MRGBP: variants seen among roughly 807,000 people sequenced by gnomAD.
MRGBP encodes MRG domain binding protein.
In MRGBP, 5 loss-of-function variants were observed where a neutral mutation model predicts 21.5. That is an observed-to-expected ratio of 0.23 (90% CI 0.12 to 0.49). The LOEUF is 0.49. MRGBP is among the 20% of genes least tolerant of loss of function. The pLI is 0.98. For missense variants in MRGBP, 227 were observed against 277.4 expected (o/e 0.82, Z 1.29); for synonymous variants, 118 against 104.4 (o/e 1.13, Z -0.79).
At position 62,796,493 on chromosome 20, in the gene MRGBP, C is replaced by CG. The variant is rs1361094899; in HGVS notation, c.-26dup. 2.7e-6 allele frequency: 3 copies of CG among 1,118,718 alleles called. No homozygotes were observed. The highest frequency in any genetic ancestry group is 3.3e-5 in the African/African-American group (2 of 60,298). The allele number at this position is 1,118,718 out of a possible 1,614,324, so 69.3% of individuals were successfully genotyped here. A position where few individuals can be genotyped will look rare whatever the true frequency, so the allele number is the denominator to read the frequency against. The stretch of plus-strand genomic sequence containing the variant: ...AGCTCGTGGCCGCGCCTGCTCCCGC[C>CG]GGGGGCTCCTTGCTCGGCCGGGCCG... On this transcript the variant is annotated 5_prime_UTR_variant, in exon 1 of 5. Transcript: ENST00000370487.
intron 2 of MRGBP, among the ~76,000 whole-genome samples, chr20:62,797,788 T>C (rs1600764005): frequency 1.3e-5 from 2 of 152,216 alleles, no homozygotes; most frequent in East Asian, 3.8e-4. Context: ...TGGCACTGTG[T>C]GACGGGCGAG....
intron 2 of MRGBP, 124 bp downstream of exon 2, chr20:62,797,355 G>C (rs1990360318): frequency 7.6e-7 from 1 of 1,312,374 alleles, no homozygotes; most frequent in African/African-American, 1.5e-5. Flanking sequence ...GGGCAGAGTA[G>C]AGGCCCCTCC....
Position 62,799,465 on chromosome 20 carries a change from C to T in MRGBP, c.437C>T (p.Ser146Phe). ...ATTTTTCGTTTCTCAGTTTTTTCATCTTCAGGGAGTTTGGGGAAAGCATCA... is the reference window on the plus strand; with the variant it reads ...ATTTTTCGTTTCTCAGTTTTTTCATTTTCAGGGAGTTTGGGGAAAGCATCA... ...PHNGADDVFSSSGSLGKASEK... is the reference protein window; with the variant it reads ...PHNGADDVFSFSGSLGKASEK... Residue 146 changes from serine (S) to phenylalanine (F), a missense_variant, in exon 5 of 5, where the codon TCT (serine) becomes TTT (phenylalanine). Around this residue, in one of 2 missense-constraint regions of MRGBP, gnomAD observed 162 missense variants for 227.7 expected, o/e 0.71. Transcript: ENST00000370487. 3 of 1,609,922 alleles carry T rather than the reference C, an allele frequency of 1.9e-6. No homozygotes were observed. The highest frequency in any genetic ancestry group is 2.5e-6 in the Non-Finnish European group (3 of 1,178,294).
rs569739887 is a variant in MRGBP, at chr20:62,799,995, C to T, written c.*352C>T. 76 of 229,854 alleles carry T rather than the reference C, an allele frequency of 3.3e-4. 1 individual carries two copies. In the South Asian group the frequency reaches 0.011, roughly 32 times the overall value. 14.2% of individuals were successfully genotyped at this position (229,854 alleles called of 1,614,324 possible). On this transcript the variant is annotated 3_prime_UTR_variant, in exon 5 of 5. Coordinates refer to ENST00000370487, the MANE Select transcript of MRGBP (RefSeq NM_018270.6). Reference sequence around the variant, plus strand: ...CTGCAGCATTTGGGATCCAGGCTACCTAGAGGGGCATCGGGCCAGGGAAAA... The same window carrying T: ...CTGCAGCATTTGGGATCCAGGCTACTTAGAGGGGCATCGGGCCAGGGAAAA...
chr20:62,797,604 G>A (rs1331197955), intron 2 of MRGBP, among the ~76,000 whole-genome samples: 1 of 152,208 alleles, frequency 6.6e-6, no homozygotes, highest in African/African-American at 2.4e-5. Flanking sequence ...CTGAGACCCT[G>A]GGGAGGGAGG....
At chr20:62,799,161 G>C (rs1406766947) in intron 4 of MRGBP, 112 bp downstream of exon 4, 1 of 1,158,198 alleles carries the variant, frequency 8.6e-7, no homozygotes, top group Non-Finnish European at 1.2e-6. Context: ...AGAGGCCCCA[G>C]GCAGGTCATC....
At chr20:62,798,879 T>C in intron 3 of MRGBP, 96 bp from the exon 4 acceptor site, 5 of 1,587,560 alleles carry the variant, frequency 3.1e-6, no homozygotes, top group Non-Finnish European at 3.4e-6. Context: ...GAGGCCTGTG[T>C]GGGCAGCAAG....
In MRGBP at chr20:62,801,281, A is replaced by AGGTT. The variant is rs1568733329; in HGVS notation, c.*1638_*1639insGGTT. ...GGTCCCTTTTCTATAGAGCCGGGAC[A>AGGTT]AATCCACAGCCCTGCAGTAACAGCC... On this transcript the variant is annotated 3_prime_UTR_variant, in exon 5 of 5. Transcript: ENST00000370487. 1 of 152,240 alleles carries AGGTT rather than the reference A, an allele frequency of 6.6e-6. No homozygotes were observed. Among genetic ancestry groups the AGGTT allele is most frequent in the African/African-American group, 2.4e-5 (1 of 41,456 alleles). The allele number at this position is 152,240 out of a possible 1,614,324, so 9.4% of individuals were successfully genotyped here. A position where few individuals can be genotyped will look rare whatever the true frequency, so the allele number is the denominator to read the frequency against.
intron 2 of MRGBP, among the ~76,000 whole-genome samples, chr20:62,798,155 G>A (rs1990376442): frequency 6.6e-6 from 1 of 152,236 alleles, no homozygotes. Context: ...CCACGTGGAT[G>A]AGAACTCGAG....
At chr20:62,799,317 G>T in intron 4 of MRGBP, 139 bp from the exon 5 acceptor site, 2 of 1,038,812 alleles carry the variant, frequency 1.9e-6, no homozygotes, top group Non-Finnish European at 1.4e-6. Flanking sequence ...GGGCCCAAAT[G>T]CAAGGGGCTC....
intron 3 of MRGBP, 21 bp from the exon 4 acceptor site, chr20:62,798,954 C>T (rs201234145): frequency 2.5e-6 from 4 of 1,613,124 alleles, no homozygotes; most frequent in Non-Finnish European, 3.4e-6. Context: ...TTTCGGTGAG[C>T]GTCAGCTGTC....
intron 1 of MRGBP, 101 bp from the exon 2 acceptor site, chr20:62,797,009 C>T (rs1600763450): frequency 1.7e-6 from 2 of 1,169,064 alleles, no homozygotes; most frequent in Admixed American, 2.9e-5. Context: ...CCCATCTCTC[C>T]GCAGCCACCC....
intron 2 of MRGBP, 70 bp downstream of exon 2, chr20:62,797,301 G>C: frequency 6.8e-7 from 1 of 1,480,494 alleles, no homozygotes; most frequent in Non-Finnish European, 9.0e-7. Flanking sequence ...CTGAGAGTCA[G>C]CCTGAGCTGG....
At position 62,798,480 on chromosome 20, in the gene MRGBP, GTGT is replaced by G. The variant is rs1186325193; in HGVS notation, c.271-106_271-104del. ...CCGCCGCAGCCTCCAACACAGTGAT[GTGT>G]GCTCATTGGCCTCTCCCCAAGTGGC... On this transcript the variant is annotated intron_variant, in intron 2 of 4. Coordinates refer to ENST00000370487, the MANE Select transcript of MRGBP (RefSeq NM_018270.6). 2.3e-5 allele frequency: 20 copies of G among 879,202 alleles called. No homozygotes were observed. In the African/African-American group the frequency reaches 3.1e-4, roughly 14 times the overall value. The allele number at this position is 879,202 out of a possible 1,614,324, so 54.5% of individuals were successfully genotyped here.
rs1391116294 is a variant in MRGBP at position 62,796,668 on chromosome 20, G to A, written c.145G>A (p.Val49Ile). 1 of 1,314,670 alleles carries A rather than the reference G, an allele frequency of 7.6e-7. No homozygotes were observed. Among genetic ancestry groups the A allele is most frequent in the Non-Finnish European group, 9.7e-7 (1 of 1,028,286 alleles). 81.4% of individuals were successfully genotyped at this position (1,314,670 alleles called of 1,614,324 possible). The change falls in exon 1 of 5, where the codon GTC becomes ATC. Residue 49 changes from valine (V) to isoleucine (I), a missense_variant. Val to Ile is a conservative substitution (Grantham distance 29). Around this residue, in one of 2 missense-constraint regions of MRGBP, gnomAD observed 162 missense variants for 227.7 expected, o/e 0.71. Coordinates refer to ENST00000370487, the MANE Select transcript of MRGBP (RefSeq NM_018270.6). ...CCACGCCATGCTGGGCCACAAGCCC[G>A]TCGGTGAGCGCCCAGGCTGCGGACG... ...LFHAMLGHKP[V>I]GVNRHFHMIC...
At position 62,801,293 on chromosome 20, in the gene MRGBP, C is replaced by T. The variant is rs542146425; in HGVS notation, c.*1650C>T. 2.0e-5 allele frequency: 3 copies of T among 152,386 alleles called. No homozygotes were observed. The highest frequency in any genetic ancestry group is 4.4e-5 in the Non-Finnish European group (3 of 68,068). 9.4% of individuals were successfully genotyped at this position (152,386 alleles called of 1,614,324 possible). On this transcript the variant is annotated 3_prime_UTR_variant, in exon 5 of 5. Transcript: ENST00000370487. ...ATAGAGCCGGGACAAATCCACAGCC[C>T]TGCAGTAACAGCCTGCCACAAAGAG...
chr20:62,798,075 CTCT>C (rs140162511), intron 2 of MRGBP, among the ~76,000 whole-genome samples: 7,825 of 152,278 alleles, frequency 0.051, 230 homozygotes, highest in East Asian at 0.15. Flanking sequence ...GGCAAGCACT[CTCT>C]TCTTCTTTGC....
In MRGBP at chr20:62,800,135, G is replaced by A. The variant is rs1990425965; in HGVS notation, c.*492G>A. 1 of 153,658 alleles carries A rather than the reference G, an allele frequency of 6.5e-6. No individual in the cohort carries two copies. The highest frequency in any genetic ancestry group is 2.4e-5 in the African/African-American group (1 of 41,464). 9.5% of individuals were successfully genotyped at this position (153,658 alleles called of 1,614,324 possible). A position where few individuals can be genotyped will look rare whatever the true frequency, so the allele number is the denominator to read the frequency against. On this transcript the variant is annotated 3_prime_UTR_variant, in exon 5 of 5. Transcript: ENST00000370487. ...TTTGTCCCGCTGCAAGCCTCTTTCT[G>A]CGCTGACTGTGACATTGGAACGTGG...
intron 4 of MRGBP, 35 bp downstream of exon 4, chr20:62,799,084 T>C: frequency 6.3e-7 from 1 of 1,582,342 alleles, no homozygotes; most frequent in Non-Finnish European, 8.6e-7. Flanking sequence ...TGATGCCCTT[T>C]GGGGCTCAGC....
Sources: allele counts gnomAD v4.1 joint callset (sites outside exome capture counted in the v4.1 genomes callset), GRCh38; gene constraint gnomAD v4.1.1; regional missense constraint gnomAD v4.1.1; transcripts MANE v1.5; gene names NCBI Gene and HGNC (gene_info 2026-07-23, HGNC 2026-07-21).